DNAJC1: variants seen among roughly 807,000 people sequenced by gnomAD.
DNAJC1 encodes dnaJ homolog subfamily C member 1.
DNAJC1 carries 58 observed loss-of-function variants against 76.6 expected under a neutral mutation model. That is an observed-to-expected ratio of 0.76 (90% CI 0.61 to 0.94). The LOEUF (loss-of-function observed/expected upper bound fraction) is 0.94. DNAJC1 is among the 40% of genes least tolerant of loss of function. The probability of loss-of-function intolerance (pLI) is 0.00; values close to 1 mark genes in which losing one functional copy is unlikely to be tolerated. For synonymous variants in DNAJC1, 258 were observed against 267.9 expected (o/e 0.96, Z 0.36); for missense variants, 689 against 677.3 (o/e 1.02, Z -0.19).
At chr10:21,840,459 C>T (rs537924177) in intron 8 of DNAJC1, among the ~76,000 whole-genome samples, 16 of 152,258 alleles carry the variant, frequency 1.1e-4, no homozygotes, top group African/African-American at 3.6e-4. Context: ...ACACCAATAA[C>T]AGACAAACAC....
At chr10:21,990,014 T>G (rs1255478632) in intron 1 of DNAJC1, among the ~76,000 whole-genome samples, 1 of 152,212 alleles carries the variant, frequency 6.6e-6, no homozygotes, top group South Asian at 2.1e-4. Flanking sequence ...AATGCCAAAG[T>G]CTAAAACATT....
At chr10:21,824,022 T>G (rs1312461044) in intron 8 of DNAJC1, among the ~76,000 whole-genome samples, 1 of 152,194 alleles carries the variant, frequency 6.6e-6, no homozygotes, top group Non-Finnish European at 1.5e-5. Context: ...CTTGAGTATC[T>G]TAGCATACAC....
intron 9 of DNAJC1, among the ~76,000 whole-genome samples, chr10:21,788,524 G>C (rs935747391): frequency 1.3e-5 from 2 of 152,184 alleles, no homozygotes; most frequent in African/African-American, 4.8e-5. Flanking sequence ...TATGGTCTGG[G>C]CTGTTAAGAC....
At chr10:21,954,758 T>C (rs1030830742) in intron 1 of DNAJC1, among the ~76,000 whole-genome samples, 2 of 152,164 alleles carry the variant, frequency 1.3e-5, no homozygotes, top group Non-Finnish European at 2.9e-5. Context: ...GCTTATCACA[T>C]AATAAATGTA....
chr10:21,850,229 CA>C (rs531634359), intron 8 of DNAJC1, among the ~76,000 whole-genome samples: 30 of 151,762 alleles, frequency 2.0e-4, no homozygotes, highest in Middle Eastern at 3.4e-3. Context: ...GAAGACCCTA[CA>C]AAAAAAACTA....
intron 1 of DNAJC1, among the ~76,000 whole-genome samples, chr10:21,984,241 T>C (rs1413381081): frequency 6.6e-6 from 1 of 152,204 alleles, no homozygotes; most frequent in Non-Finnish European, 1.5e-5. Context: ...ACTGGCTGCT[T>C]ATAAACAGAG....
At chr10:21,893,133 G>T (rs1836484764) in intron 7 of DNAJC1, among the ~76,000 whole-genome samples, 1 of 151,872 alleles carries the variant, frequency 6.6e-6, no homozygotes, top group Non-Finnish European at 1.5e-5. Context: ...CCATAAAACA[G>T]ACCTGAACAA....
At chr10:21,782,569 G>A (rs1327170647) in intron 9 of DNAJC1, among the ~76,000 whole-genome samples, 2 of 152,160 alleles carry the variant, frequency 1.3e-5, no homozygotes, top group African/African-American at 4.8e-5. Context: ...GCATCATCCT[G>A]ATACCAAAGC....
intron 9 of DNAJC1, among the ~76,000 whole-genome samples, chr10:21,772,634 T>C (rs1184521495): frequency 4.6e-5 from 7 of 152,214 alleles, no homozygotes; most frequent in Non-Finnish European, 7.3e-5. Context: ...TTTTCTTGGT[T>C]AATTACTTAC....
intron 8 of DNAJC1, among the ~76,000 whole-genome samples, chr10:21,842,082 C>T (rs893944080): frequency 8.2e-6 from 1 of 121,234 alleles, no homozygotes; most frequent in African/African-American, 3.4e-5. Context: ...GAACATCACA[C>T]ACCTGGGACT....
chr10:21,835,756 CGAGAA>C (rs1835441392), intron 8 of DNAJC1, among the ~76,000 whole-genome samples: 1 of 151,912 alleles, frequency 6.6e-6, no homozygotes, highest in Admixed American at 6.6e-5. Flanking sequence ...TGAAATGAAG[CGAGAA>C]GAGAAGTTTA....
At chr10:21,929,414 C>T (rs1044350052) in intron 1 of DNAJC1, among the ~76,000 whole-genome samples, 2 of 152,122 alleles carry the variant, frequency 1.3e-5, no homozygotes, top group Non-Finnish European at 1.5e-5. Context: ...CAAACACTTG[C>T]CTTCCTAAAA....
At chr10:21,831,206 C>T (rs1345012472) in intron 8 of DNAJC1, among the ~76,000 whole-genome samples, 5 of 152,074 alleles carry the variant, frequency 3.3e-5, no homozygotes, top group African/African-American at 7.2e-5. Context: ...CTGTCAGGTG[C>T]CCAGAGATTT....
chr10:21,980,763 A>G (rs1838142459), intron 1 of DNAJC1, among the ~76,000 whole-genome samples: 1 of 152,166 alleles, frequency 6.6e-6, no homozygotes, highest in Admixed American at 6.5e-5. Flanking sequence ...TAAGCCTAAA[A>G]TTATTTCAAA....
chr10:21,809,338 ACT>A lies in DNAJC1; in HGVS notation c.979-3241_979-3240del, dbSNP rs1437169317. On this transcript the variant is annotated intron_variant, in intron 8 of 11. Transcript: ENST00000376980. ...TTCTATCTAATAAATAGATACTGAA[ACT>A]CTCTAATGAGCAATACTTCTATTGA... is the stretch of plus-strand genomic sequence containing the variant. Among the ~76,000 whole-genome samples the A allele has an allele frequency of 2.6e-5, 4 of 151,792 alleles. No individual in the cohort carries two copies. In the South Asian group the frequency reaches 6.2e-4, roughly 24 times the overall value.
At chr10:21,856,191 A>T (rs1304839870) in intron 8 of DNAJC1, among the ~76,000 whole-genome samples, 1 of 152,218 alleles carries the variant, frequency 6.6e-6, no homozygotes, top group Non-Finnish European at 1.5e-5. Context: ...GAACAGTAGT[A>T]TGCTGAAGTC....
intron 1 of DNAJC1, among the ~76,000 whole-genome samples, chr10:21,993,067 T>A (rs937682689): frequency 1.3e-5 from 2 of 151,942 alleles, no homozygotes; most frequent in Admixed American, 6.6e-5. Context: ...TTGATAAGAA[T>A]CATTTTATAA....
In DNAJC1 at chr10:21,783,805, G is replaced by T. The variant is rs549025855; in HGVS notation, c.1099-17496C>A. 6.1e-4 allele frequency among the ~76,000 whole-genome samples: 93 copies of T among 152,272 alleles called. 4 individuals carry two copies. The highest frequency in any genetic ancestry group is 6.1e-3 in the Admixed American group (93 of 15,288). On this transcript the variant is annotated intron_variant, in intron 9 of 11. Transcript: ENST00000376980. ...TGACAAAAACAAGAAATGGGGAAAG[G>T]ATTCCCTATTTAATAAATGGTGCTG...
At chr10:21,853,587 CTG>C (rs1307731690) in intron 8 of DNAJC1, among the ~76,000 whole-genome samples, 1 of 151,678 alleles carries the variant, frequency 6.6e-6, no homozygotes, top group Non-Finnish European at 1.5e-5. Flanking sequence ...TACTTAAAAA[CTG>C]TCACTGACAG....
Sources: allele counts gnomAD v4.1 joint callset (sites outside exome capture counted in the v4.1 genomes callset), GRCh38; gene constraint gnomAD v4.1.1; transcripts MANE v1.5; gene names NCBI Gene and HGNC (gene_info 2026-07-23, HGNC 2026-07-21).